Variants in CCBE1 observed in about 807,000 individuals in gnomAD.
CCBE1 encodes the protein collagen and calcium binding EGF domains 1, also known as collagen and calcium-binding EGF domain-containing protein 1.
In CCBE1, 37 loss-of-function variants were observed where a neutral mutation model predicts 50.0. The ratio of observed to expected loss-of-function variants is 0.74; its 90% CI spans 0.57 to 0.97. CCBE1 has a LOEUF of 0.97. Ranked by LOEUF, CCBE1 falls within the 50% of genes least tolerant of loss-of-function variation. CCBE1 has a pLI of 0.00. For missense variants in CCBE1, 538 were observed against 523.8 expected (o/e 1.03, Z -0.26); for synonymous variants, 234 against 203.7 (o/e 1.15, Z -1.27).
chr18:59,470,526 T>C (rs950549313), intron 3 of CCBE1, among the ~76,000 whole-genome samples: 2 of 152,190 alleles, frequency 1.3e-5, no homozygotes, highest in African/African-American at 4.8e-5. Flanking sequence ...TGATCTCTCA[T>C]GCTGAGAAGG....
At chr18:59,508,802 G>C (rs1439251948) in intron 2 of CCBE1, among the ~76,000 whole-genome samples, 2 of 140,660 alleles carry the variant, frequency 1.4e-5, no homozygotes, top group Admixed American at 1.5e-4. Context: ...CTGCAGCCTC[G>C]ACCTCCTGGG....
chr18:59,540,430 AT>A (rs1453058684), intron 2 of CCBE1, among the ~76,000 whole-genome samples: 6 of 152,228 alleles, frequency 3.9e-5, no homozygotes, highest in Admixed American at 2.0e-4. Flanking sequence ...AGCTGAGCCC[AT>A]GTGTCCATGT....
rs1041613837 is a variant in CCBE1, at chr18:59,574,056, G to T, written c.213-93818C>A. ...GGACATGTTCTATCTGTGCTACGAG[G>T]CATAAATGGAATAGCAGCTGGGACT... is the stretch of plus-strand genomic sequence containing the variant. On this transcript the variant is annotated intron_variant, in intron 2 of 10. Coordinates refer to ENST00000439986, the MANE Select transcript of CCBE1 (RefSeq NM_133459.4). Among the ~76,000 whole-genome samples, 4 of 152,118 alleles carry T rather than the reference G, an allele frequency of 2.6e-5. No individual in the cohort carries two copies. In the East Asian group the frequency reaches 7.7e-4, roughly 29 times the overall value.
At chr18:59,660,345 C>T (rs182030717) in intron 2 of CCBE1, among the ~76,000 whole-genome samples, 457 of 152,112 alleles carry the variant, frequency 3.0e-3, no homozygotes, top group African/African-American at 0.01. Flanking sequence ...TAAATAGAGG[C>T]TGATTCCTTA....
At chr18:59,466,474 C>T (rs1263717776) in intron 5 of CCBE1, among the ~76,000 whole-genome samples, 1 of 151,850 alleles carries the variant, frequency 6.6e-6, no homozygotes, top group Non-Finnish European at 1.5e-5. Flanking sequence ...ATTACCCAGT[C>T]TTGGGTATGT....
intron 3 of CCBE1, among the ~76,000 whole-genome samples, chr18:59,471,898 G>A (rs1295037164): frequency 2.0e-5 from 3 of 152,238 alleles, no homozygotes; most frequent in Non-Finnish European, 4.4e-5. Flanking sequence ...CTGCAAGCCG[G>A]GCATGGTGGC....
intron 2 of CCBE1, among the ~76,000 whole-genome samples, chr18:59,537,939 G>A (rs982962297): frequency 2.6e-5 from 4 of 152,130 alleles, no homozygotes; most frequent in Non-Finnish European, 4.4e-5. Context: ...GGGTATTATG[G>A]GGACTAAACG....
intron 2 of CCBE1, among the ~76,000 whole-genome samples, chr18:59,505,795 T>C (rs758660289): frequency 2.0e-5 from 3 of 152,238 alleles, no homozygotes. Flanking sequence ...GATAAGTTCA[T>C]GCTTACACAG....
chr18:59,588,009 T>C (rs574794565), intron 2 of CCBE1, among the ~76,000 whole-genome samples: 1 of 152,350 alleles, frequency 6.6e-6, no homozygotes, highest in East Asian at 1.9e-4. Context: ...CGGATCCTGA[T>C]AATGAGTTGG....
At chr18:59,631,811 C>T (rs920383651) in intron 2 of CCBE1, among the ~76,000 whole-genome samples, 1 of 152,188 alleles carries the variant, frequency 6.6e-6, no homozygotes, top group Non-Finnish European at 1.5e-5. Context: ...TGGGGTCTGA[C>T]AAACTGACTA....
chr18:59,614,276 AG>A (rs1168378546), intron 2 of CCBE1, among the ~76,000 whole-genome samples: 1 of 152,202 alleles, frequency 6.6e-6, no homozygotes, highest in Non-Finnish European at 1.5e-5. Flanking sequence ...CTGGGATTAC[AG>A]GCATGAGCCA....
At chr18:59,474,172 A>G (rs1912198173) in intron 3 of CCBE1, among the ~76,000 whole-genome samples, 1 of 152,128 alleles carries the variant, frequency 6.6e-6, no homozygotes, top group African/African-American at 2.4e-5. Context: ...TGTCTTTGCT[A>G]TTGTGAATAG....
chr18:59,578,739 G>A (rs546196496), intron 2 of CCBE1, among the ~76,000 whole-genome samples: 25 of 152,322 alleles, frequency 1.6e-4, no homozygotes, highest in African/African-American at 6.0e-4. Context: ...ATAAGTGGGA[G>A]TTGAACAATG....
At chr18:59,612,316 G>C (rs868088102) in intron 2 of CCBE1, among the ~76,000 whole-genome samples, 1 of 140,862 alleles carries the variant, frequency 7.1e-6, no homozygotes, top group East Asian at 2.2e-4. Flanking sequence ...GAAAAAAAAA[G>C]GGAAGAAAAA....
Position 59,432,470 on chromosome 18 carries a change from A to G in CCBE1, c.*3438T>C, listed in dbSNP as rs1224429346. Reference sequence around the variant, plus strand: ...TTACCCCAGAAATAGCTTTCCCATTAGGTTTTGAGCAGAAGTCCTGTTTAG... The same window carrying G: ...TTACCCCAGAAATAGCTTTCCCATTGGGTTTTGAGCAGAAGTCCTGTTTAG... On this transcript the variant is annotated 3_prime_UTR_variant, in exon 11 of 11. Coordinates refer to ENST00000439986, the MANE Select transcript of CCBE1 (RefSeq NM_133459.4). 7 of 152,202 alleles carry G rather than the reference A, an allele frequency of 4.6e-5. No homozygotes were observed. Among genetic ancestry groups the G allele is most frequent in the Non-Finnish European group, 1.0e-4 (7 of 68,020 alleles). The allele number at this position is 152,202 out of a possible 1,614,324, so 9.4% of individuals were successfully genotyped here. A position where few individuals can be genotyped will look rare whatever the true frequency, so the allele number is the denominator to read the frequency against.
chr18:59,665,381 G>A (rs1208219829), intron 2 of CCBE1, among the ~76,000 whole-genome samples: 1 of 152,134 alleles, frequency 6.6e-6, no homozygotes, highest in Non-Finnish European at 1.5e-5. Context: ...CTAGATGGTT[G>A]GGAATTGTGG....
intron 2 of CCBE1, among the ~76,000 whole-genome samples, chr18:59,615,962 T>C (rs1327369380): frequency 2.6e-5 from 4 of 152,214 alleles, no homozygotes; most frequent in Non-Finnish European, 5.9e-5. Context: ...CATGGCCATA[T>C]TGGGATCAAG....
At chr18:59,655,085 C>CCA (rs2054172171) in intron 2 of CCBE1, among the ~76,000 whole-genome samples, 1 of 122,730 alleles carries the variant, frequency 8.1e-6, no homozygotes, top group Non-Finnish European at 1.7e-5. Flanking sequence ...GAGACTATGT[C>CCA]AAAAAAAAAA....
intron 2 of CCBE1, among the ~76,000 whole-genome samples, chr18:59,510,788 AT>A (rs1041327580): frequency 5.3e-5 from 8 of 152,160 alleles, no homozygotes; most frequent in African/African-American, 1.7e-4. Context: ...ATTAAAATAC[AT>A]TTTTTCCTGA....
Sources: allele counts gnomAD v4.1 joint callset (sites outside exome capture counted in the v4.1 genomes callset), GRCh38; gene constraint gnomAD v4.1.1; transcripts MANE v1.5; gene names NCBI Gene and HGNC (gene_info 2026-07-23, HGNC 2026-07-21).